The following NBEA variants were observed in gnomAD, a reference collection of about 807,000 sequenced individuals.
The protein encoded by NBEA is lysosomal-trafficking regulator 2.
In NBEA, 44 loss-of-function variants were observed where a neutral mutation model predicts 343.4. The ratio of observed to expected loss-of-function variants is 0.13; its 90% CI spans 0.10 to 0.16. The LOEUF is 0.16. NBEA is among the 10% of genes least tolerant of loss of function. NBEA has a pLI of 1.00. For synonymous variants in NBEA, 1,175 were observed against 1,238.7 expected, an observed-to-expected ratio of 0.95 and a Z score of 1.08; for missense variants, 2,555 against 3,631.3, an observed-to-expected ratio of 0.70 and a Z score of 7.62.
intron 18 of NBEA, among the ~76,000 whole-genome samples, chr13:35,144,785 ACT>A (rs1396101489): frequency 6.6e-6 from 1 of 151,974 alleles, no homozygotes; most frequent in Non-Finnish European, 1.5e-5. Flanking sequence ...TCATCAGGAG[ACT>A]CTGAATCCAA....
chr13:35,113,059 G>A (rs750996646), intron 13 of NBEA, among the ~76,000 whole-genome samples: 6 of 152,036 alleles, frequency 3.9e-5, no homozygotes, highest in Non-Finnish European at 8.8e-5. Flanking sequence ...GTGCTTAGTT[G>A]CATTCTTACT....
chr13:35,655,406 G>A (rs2153081913), intron 54 of NBEA, among the ~76,000 whole-genome samples, 173 bp from the exon 55 acceptor site: 1 of 152,274 alleles, frequency 6.6e-6, no homozygotes, highest in Non-Finnish European at 1.5e-5. Flanking sequence ...GCAACCTGTA[G>A]CCAGATTTGA....
Position 35,607,061 on chromosome 13 carries a change from TG to T in NBEA, c.7449+484del, listed in dbSNP as rs376731758. 1.1e-4 allele frequency among the ~76,000 whole-genome samples: 16 copies of T among 152,300 alleles called. No individual in the cohort carries two copies. In the South Asian group the frequency reaches 3.3e-3, roughly 32 times the overall value. Reference sequence around the variant, plus strand: ...AAATAGAAAACATCTTTTTTTGTTTTGTTTTACAGACAGTGTTTCACTCTGT... The same window carrying T: ...AAATAGAAAACATCTTTTTTTGTTTTTTTTACAGACAGTGTTTCACTCTGT... On this transcript the variant is annotated intron_variant, in intron 48 of 58. Transcript: ENST00000379939.
chr13:34,965,501 G>A (rs2059792083), intron 1 of NBEA, among the ~76,000 whole-genome samples: 2 of 152,024 alleles, frequency 1.3e-5, no homozygotes, highest in Admixed American at 1.3e-4. Flanking sequence ...AGTTTGCACA[G>A]TAGACTGGTG....
chr13:35,192,092 A>G (rs891501314), intron 30 of NBEA, among the ~76,000 whole-genome samples: 1 of 152,094 alleles, frequency 6.6e-6, no homozygotes, highest in African/African-American at 2.4e-5. Flanking sequence ...GTGTACTGAC[A>G]TTGCCTGTTG....
chr13:35,013,566 G>C (rs1054243400), intron 1 of NBEA, among the ~76,000 whole-genome samples: 1 of 151,758 alleles, frequency 6.6e-6, no homozygotes. Flanking sequence ...TGCCTCCCAG[G>C]TTCAGGCGAT....
Position 35,518,833 on chromosome 13 carries a change from G to C in NBEA, c.6586-31644G>C, listed in dbSNP as rs759452561. On this transcript the variant is annotated intron_variant, in intron 41 of 58. Coordinates refer to ENST00000379939, the MANE Select transcript of NBEA (RefSeq NM_001385012.1). The stretch of plus-strand genomic sequence containing the variant: ...CCGAGCTTTGATTTGGGGCGGTGTG[G>C]GGGGAAGGTTGCAGGATACCTCATA... Among the ~76,000 whole-genome samples the C allele has an allele frequency of 9.7e-4, 147 of 152,074 alleles. 1 individual carries two copies. Among genetic ancestry groups the C allele is most frequent in the Non-Finnish European group, 2.0e-3 (139 of 68,012 alleles).
intron 41 of NBEA, among the ~76,000 whole-genome samples, chr13:35,519,797 C>A (rs904488138): frequency 1.3e-5 from 2 of 152,088 alleles, no homozygotes; most frequent in African/African-American, 2.4e-5. Context: ...AATATTCTAC[C>A]TATTTTGAAA....
intron 38 of NBEA, among the ~76,000 whole-genome samples, chr13:35,370,162 C>A (rs899148457): frequency 6.6e-6 from 1 of 151,818 alleles, no homozygotes; most frequent in Admixed American, 6.6e-5. Flanking sequence ...TGGAGTCTAT[C>A]GCTCCCTTTA....
intron 48 of NBEA, among the ~76,000 whole-genome samples, chr13:35,617,613 C>G (rs2082792693): frequency 6.6e-6 from 1 of 152,202 alleles, no homozygotes; most frequent in Non-Finnish European, 1.5e-5. Context: ...CAACGCTACG[C>G]AAAGACATCT....
chr13:35,649,679 A>G lies in NBEA; in HGVS notation c.7795A>G (p.Met2599Val), dbSNP rs1424247552. The G allele has an allele frequency of 1.2e-6, 2 of 1,613,836 alleles. No individual in the cohort carries two copies. Among genetic ancestry groups the G allele is most frequent in the East Asian group, 2.2e-5 (1 of 44,874 alleles). The change falls in exon 52 of 59, where the codon ATG becomes GTG. Residue 2599 changes from methionine (M) to valine (V), a missense_variant. Met to Val is a conservative substitution (Grantham distance 21). This residue lies in a region of NBEA where 61 missense variants were observed against 132.1 expected (regional missense o/e 0.46). Transcript: ENST00000379939. ...HLCFLPQSPL[M>V]FKDQMQQDVI... ...GTGTTTCCTTCCACAGAGTCCGCTC[A>G]TGTTTAAAGATCAGATGCAACAGGA...
In NBEA at chr13:35,622,517, G is replaced by A. The variant is rs149503984; in HGVS notation, c.7450-5564G>A. The stretch of plus-strand genomic sequence containing the variant: ...GTCTTATACATCCAGAAACAGTCAA[G>A]TACTGGAATAATTTAAGCCCCTTAA... On this transcript the variant is annotated intron_variant, in intron 48 of 58. Transcript: ENST00000379939. 5.5e-3 allele frequency among the ~76,000 whole-genome samples: 831 copies of A among 152,252 alleles called. 7 individuals are homozygous for A. Among genetic ancestry groups the A allele is most frequent in the African/African-American group, 0.019 (780 of 41,550 alleles).
rs183755242 is a variant in NBEA, at chr13:35,353,569, C to T, written c.6179+1246C>T. ...TTTTGGATTTAAGGTAAAATTATAA[C>T]ATGTGTCTTTAAAATAGTCAGCATT... On this transcript the variant is annotated intron_variant, in intron 38 of 58. Coordinates refer to ENST00000379939, the MANE Select transcript of NBEA (RefSeq NM_001385012.1). 5.9e-5 allele frequency among the ~76,000 whole-genome samples: 9 copies of T among 152,156 alleles called. No homozygotes were observed. The East Asian group carries it at 1.5e-3, about 26-fold the overall frequency.
chr13:35,179,806 CT>C (rs2071185031), intron 28 of NBEA: 2 of 984,084 alleles, frequency 2.0e-6, no homozygotes, highest in Non-Finnish European at 2.4e-6. Context: ...TGGTTGGTAT[CT>C]TTTCTTAATC....
intron 38 of NBEA, among the ~76,000 whole-genome samples, chr13:35,380,149 T>TA (rs1258307196): frequency 4.7e-4 from 72 of 152,192 alleles, no homozygotes; most frequent in Non-Finnish European, 1.5e-5. Flanking sequence ...CTCTTGGTAA[T>TA]ACTTTGTAGT....
chr13:35,361,015 A>C (rs2040776497), intron 38 of NBEA, among the ~76,000 whole-genome samples: 1 of 152,174 alleles, frequency 6.6e-6, no homozygotes. Flanking sequence ...GAGATGACAA[A>C]CAGTATAAAT....
intron 45 of NBEA, among the ~76,000 whole-genome samples, chr13:35,580,076 G>A (rs994087018): frequency 5.9e-5 from 9 of 151,966 alleles, no homozygotes; most frequent in African/African-American, 2.2e-4. Context: ...CTTTTTAGCA[G>A]TTTTAAAAAC....
At chr13:35,198,648 G>T (rs890542774) in intron 31 of NBEA, among the ~76,000 whole-genome samples, 2 of 152,072 alleles carry the variant, frequency 1.3e-5, no homozygotes, top group Admixed American at 1.3e-4. Context: ...AAATGAAATG[G>T]AAGAGCACAA....
chr13:35,160,430 C>A (rs2069476104), intron 22 of NBEA, among the ~76,000 whole-genome samples: 1 of 152,062 alleles, frequency 6.6e-6, no homozygotes, highest in Admixed American at 6.6e-5. Flanking sequence ...AAGCTTCAGG[C>A]CCAACCCTGT....
Sources: allele counts gnomAD v4.1 joint callset (sites outside exome capture counted in the v4.1 genomes callset), GRCh38; gene constraint gnomAD v4.1.1; regional missense constraint gnomAD v4.1.1; transcripts MANE v1.5; gene names NCBI Gene and HGNC (gene_info 2026-07-23, HGNC 2026-07-21).